DNAH9: variants seen among roughly 807,000 people sequenced by gnomAD.
DNAH9 encodes the protein dynein axonemal heavy chain 9.
Under a neutral mutation model 471.6 loss-of-function variants are expected in DNAH9, and 345 were observed. The observed-to-expected ratio is 0.73, with a 90% CI of 0.67 to 0.80. The LOEUF is 0.80. Among genes scored for constraint, DNAH9 ranks in the 30% least tolerant of loss-of-function variants. The pLI is 0.00. For missense variants in DNAH9, 5,407 were observed against 5,609.2 expected (o/e 0.96, Z 1.15); for synonymous variants, 2,093 against 2,123.6 (o/e 0.99, Z 0.40).
chr17:11,706,610 C>T (rs2150780174), intron 26 of DNAH9, among the ~76,000 whole-genome samples: 1 of 152,218 alleles, frequency 6.6e-6, no homozygotes, highest in East Asian at 1.9e-4. Context: ...GGAAAGGCTT[C>T]AGGGAAGAGA....
At chr17:11,701,021 G>A in intron 23 of DNAH9, 101 bp from the exon 24 acceptor site, 2 of 1,282,946 alleles carry the variant, frequency 1.6e-6, no homozygotes, top group Non-Finnish European at 2.2e-6. Context: ...ACAATGTGTG[G>A]GCTCCCTTTC....
At chr17:11,785,233 ACT>A (rs1968820535) in intron 41 of DNAH9, among the ~76,000 whole-genome samples, 2 of 151,708 alleles carry the variant, frequency 1.3e-5, no homozygotes, top group African/African-American at 4.8e-5. Context: ...CAAGTCTACA[ACT>A]CTCCCATTCT....
Position 11,689,827 on chromosome 17 carries a change from G to C in DNAH9, c.4005G>C (p.Glu1335Asp), listed in dbSNP as rs1175567672. ...RNINVEAMEL[E>D]CKQFARHIRN... Reference sequence around the variant, plus strand: ...TCAACGTGGAAGCCATGGAGTTGGAGTGCAAACAGTTTGCCCGGCATATCC... The same window carrying C: ...TCAACGTGGAAGCCATGGAGTTGGACTGCAAACAGTTTGCCCGGCATATCC... The change falls in exon 20 of 69, where the codon GAG becomes GAC. Residue 1335 changes from glutamate (E) to aspartate (D), a missense_variant. Glu to Asp is a conservative substitution (Grantham distance 45). Transcript: ENST00000262442. The C allele has an allele frequency of 1.9e-6, 3 of 1,613,576 alleles. No homozygotes were observed. The highest frequency in any genetic ancestry group is 1.7e-5 in the Admixed American group (1 of 59,936).
chr17:11,934,977 T>TTTCTG (rs1235624761), intron 65 of DNAH9, among the ~76,000 whole-genome samples: 2 of 152,050 alleles, frequency 1.3e-5, no homozygotes, highest in Admixed American at 1.3e-4. Flanking sequence ...TTTCTTTTCT[T>TTTCTG]TTATGAGACG....
chr17:11,882,421 C>T (rs982482496), intron 55 of DNAH9, among the ~76,000 whole-genome samples: 3 of 152,210 alleles, frequency 2.0e-5, no homozygotes, highest in Admixed American at 6.5e-5. Flanking sequence ...TTTTTGTCCT[C>T]TCTTTAAATG....
chr17:11,913,744 T>C (rs1301858787), intron 61 of DNAH9, among the ~76,000 whole-genome samples: 1 of 149,172 alleles, frequency 6.7e-6, no homozygotes, highest in South Asian at 2.1e-4. Context: ...ATTGCACCAC[T>C]GCACTCCAGC....
chr17:11,816,199 G>T (rs761328050), intron 45 of DNAH9, among the ~76,000 whole-genome samples: 47 of 152,132 alleles, frequency 3.1e-4, no homozygotes, highest in Admixed American at 4.6e-4. Flanking sequence ...GAAAGGGAGA[G>T]ACCATTGTGT....
At chr17:11,797,530 C>G (rs903818143) in intron 42 of DNAH9, 67 bp from the exon 43 acceptor site, 1 of 1,344,680 alleles carries the variant, frequency 7.4e-7, no homozygotes, top group African/African-American at 1.5e-5. Context: ...AATCAGGTGT[C>G]TCTGCTCTGT....
At chr17:11,753,181 T>C (rs1396656330) in intron 33 of DNAH9, among the ~76,000 whole-genome samples, 1 of 152,250 alleles carries the variant, frequency 6.6e-6, no homozygotes, top group East Asian at 1.9e-4. Context: ...AGTTTTGGCA[T>C]TATTATAATT....
intron 9 of DNAH9, among the ~76,000 whole-genome samples, chr17:11,639,953 C>T (rs2073238364): frequency 6.6e-6 from 1 of 152,138 alleles, no homozygotes. Context: ...TAGTGAGCCA[C>T]GATTGCGCCA....
At chr17:11,963,439 A>C (rs892341297) in intron 68 of DNAH9, among the ~76,000 whole-genome samples, 1 of 152,120 alleles carries the variant, frequency 6.6e-6, no homozygotes, top group Non-Finnish European at 1.5e-5. Context: ...CGTCTCAAAA[A>C]AAAAAAAAGA....
chr17:11,920,709 G>A (rs1455188390), intron 61 of DNAH9, among the ~76,000 whole-genome samples: 1 of 151,948 alleles, frequency 6.6e-6, no homozygotes, highest in African/African-American at 2.4e-5. Context: ...TGACATTAGA[G>A]TTTACCAAGA....
At position 11,875,127 on chromosome 17, in the gene DNAH9, A is replaced by G. The variant is rs544009430; in HGVS notation, c.10421A>G (p.Lys3474Arg). ...GTTGACCCTCAGCTACAAGGCATCA[A>G]ATGGATCAAGAATAAATATGGTGAA... ...LMVDPQLQGI[K>R]WIKNKYGEDL... The change falls in exon 53 of 69, where the codon AAA becomes AGA. Residue 3474 changes from lysine to arginine, a missense_variant. This residue lies in a region of DNAH9 where 4,636 missense variants were observed against 4,900.3 expected (regional missense o/e 0.95). Coordinates refer to ENST00000262442, the MANE Select transcript of DNAH9 (RefSeq NM_001372.4). The G allele has an allele frequency of 8.2e-5, 133 of 1,614,186 alleles. No individual in the cohort carries two copies. In the East Asian group the frequency reaches 1.5e-3, roughly 18 times the overall value.
At position 11,704,237 on chromosome 17, in the gene DNAH9, C is replaced by T. The variant is rs373282092; in HGVS notation, c.5186C>T (p.Thr1729Ile). The T allele has an allele frequency of 6.2e-7, 1 of 1,613,998 alleles. No homozygotes were observed. The highest frequency in any genetic ancestry group is 8.5e-7 in the Non-Finnish European group (1 of 1,179,982). ...ACCTGTACTCAGATCTGGTGGACAA[C>T]AGAAGTGGGCATGGCATTTGCCAGG... ...ALTCTQIWWT[T>I]EVGMAFARLE... The change falls in exon 25 of 69, where the codon ACA (threonine) becomes ATA (isoleucine). Residue 1729 changes from threonine (T) to isoleucine (I), a missense_variant. Thr to Ile is a moderately conservative substitution (Grantham distance 89). Transcript: ENST00000262442.
chr17:11,913,389 A>C (rs138454248), intron 61 of DNAH9, among the ~76,000 whole-genome samples: 92 of 152,252 alleles, frequency 6.0e-4, no homozygotes, highest in African/African-American at 2.1e-3. Flanking sequence ...CATTTCATCT[A>C]AGTTATATAA....
chr17:11,845,461 A>G (rs1426258239), intron 49 of DNAH9, among the ~76,000 whole-genome samples: 2 of 150,984 alleles, frequency 1.3e-5, no homozygotes, highest in Non-Finnish European at 2.9e-5. Flanking sequence ...TGCCGCAATA[A>G]ACATACGTGT....
At chr17:11,675,365 G>T (rs547914872) in intron 17 of DNAH9, among the ~76,000 whole-genome samples, 1 of 151,946 alleles carries the variant, frequency 6.6e-6, no homozygotes, top group East Asian at 1.9e-4. Context: ...AACGTACATG[G>T]TCATCATCTA....
rs890517605 is a variant in DNAH9, at chr17:11,902,150, G to A, written c.11407-569G>A. On this transcript the variant is annotated intron_variant, in intron 59 of 68. Coordinates refer to ENST00000262442, the MANE Select transcript of DNAH9 (RefSeq NM_001372.4). The stretch of plus-strand genomic sequence containing the variant: ...ATATGCTCAGAGTGGGACAGAGTAG[G>A]AGGACACATGACTTACTGGACAGAT... 2.0e-5 allele frequency among the ~76,000 whole-genome samples: 3 copies of A among 152,238 alleles called. No homozygotes were observed. The East Asian group carries it at 5.8e-4, about 29-fold the overall frequency.
chr17:11,620,015 A>G lies in DNAH9; in HGVS notation c.1350+234A>G, dbSNP rs1321139106. The G allele has an allele frequency of 7.7e-6, 4 of 519,410 alleles. No individual in the cohort carries two copies. The South Asian group carries it at 7.8e-5, about 10-fold the overall frequency. 32.2% of individuals were successfully genotyped at this position (519,410 alleles called of 1,614,324 possible). Reference sequence around the variant, plus strand: ...TGCTTGAGCCCAGGAGTTTAAAACCAGCCGGGCCAACATGGCAAAACGCCT... The same window carrying G: ...TGCTTGAGCCCAGGAGTTTAAAACCGGCCGGGCCAACATGGCAAAACGCCT... On this transcript the variant is annotated intron_variant, in intron 6 of 68. Transcript: ENST00000262442.
Sources: allele counts gnomAD v4.1 joint callset (sites outside exome capture counted in the v4.1 genomes callset), GRCh38; gene constraint gnomAD v4.1.1; regional missense constraint gnomAD v4.1.1; transcripts MANE v1.5; gene names NCBI Gene and HGNC (gene_info 2026-07-23, HGNC 2026-07-21).